Variants in OPCML observed in about 807,000 individuals in gnomAD.
The protein encoded by OPCML is opioid-binding protein/cell adhesion molecule.
In OPCML, 13 loss-of-function variants were observed where a neutral mutation model predicts 37.8. The ratio of observed to expected loss-of-function variants is 0.34; its 90% CI spans 0.22 to 0.55. The LOEUF is 0.55. OPCML is among the 20% of genes least tolerant of loss of function. The pLI is 0.91. For missense variants in OPCML, 341 were observed against 435.6 expected (o/e 0.78, Z 1.93); for synonymous variants, 176 against 168.8 (o/e 1.04, Z -0.33).
chr11:133,190,900 G>A (rs1267155186), intron 1 of OPCML, among the ~76,000 whole-genome samples: 1 of 151,786 alleles, frequency 6.6e-6, no homozygotes, highest in Non-Finnish European at 1.5e-5. Context: ...TTTTAATAAG[G>A]TATATGTTTG....
chr11:133,363,068 C>A (rs990712961), intron 1 of OPCML, among the ~76,000 whole-genome samples: 2 of 152,174 alleles, frequency 1.3e-5, no homozygotes, highest in African/African-American at 4.8e-5. Context: ...AAGGGCAATA[C>A]CCTGCCCCAT....
rs529396888 is a variant in OPCML, at chr11:132,846,931, G to T, written c.146+95995C>A. On this transcript the variant is annotated intron_variant, in intron 2 of 7. Transcript: ENST00000524381. ...TAAACTTTTAAAATTGTAATATAAGGTCCCCCCAGTGGAGTCTAATTCTCC... is the reference window on the plus strand; with the variant it reads ...TAAACTTTTAAAATTGTAATATAAGTTCCCCCCAGTGGAGTCTAATTCTCC... Among the ~76,000 whole-genome samples the T allele has an allele frequency of 1.8e-4, 27 of 152,196 alleles. 1 individual carries two copies. Among genetic ancestry groups the T allele is most frequent in the South Asian group, 1.2e-3 (6 of 4,818 alleles).
intron 2 of OPCML, among the ~76,000 whole-genome samples, chr11:132,872,760 T>G (rs1942858326): frequency 6.6e-6 from 1 of 152,146 alleles, no homozygotes; most frequent in Non-Finnish European, 1.5e-5. Context: ...AGCGGGTGAA[T>G]AAAAGAGTGT....
chr11:132,956,304 G>A (rs144848865), intron 1 of OPCML, among the ~76,000 whole-genome samples: 1 of 152,276 alleles, frequency 6.6e-6, no homozygotes, highest in African/African-American at 2.4e-5. Context: ...TCAGCTTCAG[G>A]TATTAGGATT....
chr11:133,491,159 C>T (rs1304892869), intron 1 of OPCML, among the ~76,000 whole-genome samples: 1 of 152,106 alleles, frequency 6.6e-6, no homozygotes, highest in Non-Finnish European at 1.5e-5. Context: ...CGGATGATGC[C>T]CAGGTCGACA....
chr11:133,227,963 G>C (rs1222527893), intron 1 of OPCML, among the ~76,000 whole-genome samples: 1 of 152,230 alleles, frequency 6.6e-6, no homozygotes, highest in Non-Finnish European at 1.5e-5. Flanking sequence ...CTGAGCAGCA[G>C]TGGAGTGCCC....
intron 2 of OPCML, among the ~76,000 whole-genome samples, chr11:132,659,896 T>A (rs993714265): frequency 2.0e-5 from 3 of 152,196 alleles, no homozygotes; most frequent in African/African-American, 7.2e-5. Flanking sequence ...AAATGTACTT[T>A]ATGCTTGAAG....
rs565002238 is a variant in OPCML, at chr11:132,512,176, A to G, written c.505+16885T>C. 2.0e-5 allele frequency among the ~76,000 whole-genome samples: 3 copies of G among 152,210 alleles called. No individual in the cohort carries two copies. In the East Asian group the frequency reaches 5.8e-4, roughly 29 times the overall value. On this transcript the variant is annotated intron_variant, in intron 4 of 7. Transcript: ENST00000524381. ...CAAAACCAAATATGTTTTAGCCTAC[A>G]CAGTTATTAGAATAGATAATATTTC...
chr11:132,765,702 A>C (rs1315060201), intron 2 of OPCML, among the ~76,000 whole-genome samples: 1 of 152,220 alleles, frequency 6.6e-6, no homozygotes, highest in Non-Finnish European at 1.5e-5. Flanking sequence ...AGGAAGGTAA[A>C]AGAAGGAAAA....
At chr11:133,201,179 A>G (rs181958887) in intron 1 of OPCML, among the ~76,000 whole-genome samples, 1 of 152,282 alleles carries the variant, frequency 6.6e-6, no homozygotes, top group East Asian at 1.9e-4. Context: ...CCTATCAGGT[A>G]TTATGCTGAT....
chr11:132,887,721 T>C (rs767157572), intron 2 of OPCML, among the ~76,000 whole-genome samples: 3 of 152,360 alleles, frequency 2.0e-5, no homozygotes, highest in Non-Finnish European at 4.4e-5. Context: ...ACAGGTAGGA[T>C]TGATGTAATC....
chr11:132,846,118 A>AGTG (rs1941527799), intron 2 of OPCML, among the ~76,000 whole-genome samples: 1 of 152,202 alleles, frequency 6.6e-6, no homozygotes, highest in Admixed American at 6.5e-5. Flanking sequence ...GGGGAAATTC[A>AGTG]TTTACAGTCT....
chr11:133,085,166 C>T (rs904110139), intron 1 of OPCML, among the ~76,000 whole-genome samples: 1 of 152,208 alleles, frequency 6.6e-6, no homozygotes, highest in Non-Finnish European at 1.5e-5. Context: ...TATGTCTTCA[C>T]TGATTCATAC....
intron 4 of OPCML, among the ~76,000 whole-genome samples, chr11:132,525,291 G>A (rs1295956995): frequency 6.6e-6 from 1 of 151,908 alleles, no homozygotes; most frequent in African/African-American, 2.4e-5. Flanking sequence ...TACTCATATT[G>A]CCATCTTAAA....
At chr11:133,389,429 G>GT (rs1486031768) in intron 1 of OPCML, among the ~76,000 whole-genome samples, 2 of 152,052 alleles carry the variant, frequency 1.3e-5, no homozygotes, top group African/African-American at 4.8e-5. Context: ...TGACCTCGCC[G>GT]GTTAAGGCAT....
chr11:132,570,796 T>G (rs1435053567), intron 3 of OPCML, among the ~76,000 whole-genome samples: 3,496 of 109,576 alleles, frequency 0.032, 181 homozygotes, highest in Middle Eastern at 0.063. Flanking sequence ...TATATATATA[T>G]ATATATTTAG....
chr11:133,010,120 G>A (rs1405050747), intron 1 of OPCML, among the ~76,000 whole-genome samples: 1 of 152,156 alleles, frequency 6.6e-6, no homozygotes, highest in Non-Finnish European at 1.5e-5. Context: ...CACTCTTCAA[G>A]GAGCAGCTCA....
chr11:132,978,456 G>A (rs1178923453), intron 1 of OPCML, among the ~76,000 whole-genome samples: 1 of 152,148 alleles, frequency 6.6e-6, no homozygotes. Context: ...TCATCCAGCT[G>A]GAAGCAGGAC....
chr11:132,974,066 T>C (rs186556074), intron 1 of OPCML, among the ~76,000 whole-genome samples: 1 of 152,198 alleles, frequency 6.6e-6, no homozygotes, highest in Admixed American at 6.5e-5. Flanking sequence ...GCATAATCAC[T>C]CATGTCTCTG....
Sources: gnomAD v4.1 joint callset for allele counts (sites outside exome capture counted in the v4.1 genomes callset) on GRCh38, gnomAD v4.1.1 for gene constraint, MANE v1.5 for transcripts, NCBI Gene and HGNC (gene_info 2026-07-23, HGNC 2026-07-21) for gene names.